The following SVEP1 variants were observed in gnomAD, a reference collection of about 807,000 sequenced individuals.
SVEP1 encodes sushi, von Willebrand factor type A, EGF and pentraxin domain-containing protein 1.
Under a neutral mutation model 367.3 loss-of-function variants are expected in SVEP1, and 164 were observed. That is an observed-to-expected ratio of 0.45 (90% CI 0.39 to 0.51). The LOEUF (loss-of-function observed/expected upper bound fraction) is 0.51, where lower values mean the gene tolerates loss of function less well. Ranked by LOEUF, SVEP1 falls within the 20% of genes least tolerant of loss-of-function variation. SVEP1 has a pLI of 0.00. For missense variants in SVEP1, 4,117 were observed against 4,425.3 expected, an observed-to-expected ratio of 0.93 and a Z score of 1.98; for synonymous variants, 1,666 against 1,611.6, an observed-to-expected ratio of 1.03 and a Z score of -0.81.
At position 110,455,600 on chromosome 9, in the gene SVEP1, T is replaced by C; in HGVS notation, c.3777A>G (p.Ser1259=). The C allele has an allele frequency of 6.2e-7, 1 of 1,613,264 alleles. No homozygotes were observed. Among genetic ancestry groups the C allele is most frequent in the Non-Finnish European group, 8.5e-7 (1 of 1,179,472 alleles). The change falls in exon 22 of 48, where the codon TCA becomes TCG. Residue 1259 remains serine, a synonymous_variant. Transcript: ENST00000374469. ...AGACCTTCCCCTTACCTGTGTAACC[T>C]GATGGGCACTCACAAATGAATTCCC... ...LVGEFICECP[S]GYTGQRCEEN... is the part of the protein sequence containing the mutation.
chr9:110,424,391 G>T (rs1300293101), intron 36 of SVEP1, among the ~76,000 whole-genome samples: 1 of 152,218 alleles, frequency 6.6e-6, no homozygotes, highest in South Asian at 2.1e-4. Flanking sequence ...GCTTCAAAAG[G>T]ATGCTTAGAA....
At chr9:110,427,501 A>C in intron 36 of SVEP1, 90 bp downstream of exon 36, 1 of 1,461,312 alleles carries the variant, frequency 6.8e-7, no homozygotes, top group Non-Finnish European at 9.2e-7. Context: ...CAGGAAATTA[A>C]ATTTCGTGTC....
At chr9:110,451,930 C>T (rs1828700239) in intron 22 of SVEP1, among the ~76,000 whole-genome samples, 1 of 152,162 alleles carries the variant, frequency 6.6e-6, no homozygotes, top group Non-Finnish European at 1.5e-5. Flanking sequence ...CTTTATTTTA[C>T]ACATCTAGAA....
At position 110,446,901 on chromosome 9, in the gene SVEP1, T is replaced by C. The variant is rs768284387; in HGVS notation, c.4260A>G (p.Thr1420=). The stretch of plus-strand genomic sequence containing the variant: ...TAATAACACTGAGTTGATACATACC[T>C]GTTTCACACCTTTTGCCTGAAAATC... ...QPGFSGKRCE[T]EQSTGFNLDF... Residue 1420 remains threonine (T), a splice_region_variant and synonymous_variant, in exon 25 of 48, where the codon ACA becomes ACG. Coordinates refer to ENST00000374469, the MANE Select transcript of SVEP1 (RefSeq NM_153366.4). 2 of 1,529,478 alleles carry C rather than the reference T, an allele frequency of 1.3e-6. No individual in the cohort carries two copies. Among genetic ancestry groups the C allele is most frequent in the Non-Finnish European group, 1.8e-6 (2 of 1,138,244 alleles). The allele number at this position is 1,529,478 out of a possible 1,614,324, so 94.7% of individuals were successfully genotyped here. A position where few individuals can be genotyped will look rare whatever the true frequency, so the allele number is the denominator to read the frequency against.
chr9:110,471,656 G>T (rs207470489), intron 15 of SVEP1, 59 bp from the exon 16 acceptor site: 239 of 1,306,376 alleles, frequency 1.8e-4, no homozygotes, highest in Non-Finnish European at 2.4e-4. Context: ...AAAGTCATTT[G>T]TAGTTAATTT....
At chr9:110,510,379 A>G (rs1426782462) in intron 5 of SVEP1, among the ~76,000 whole-genome samples, 2 of 152,200 alleles carry the variant, frequency 1.3e-5, no homozygotes, top group Non-Finnish European at 2.9e-5. Context: ...CCTTCATCCC[A>G]TAACATGCAT....
chr9:110,466,760 C>CAAAAAAAAAAAAAAAA lies in SVEP1; in HGVS notation c.3161-750_3161-735dup, dbSNP rs71371670. On this transcript the variant is annotated intron_variant, in intron 17 of 47. Transcript: ENST00000374469. ...TGGGCGACAGAGCGAGACTCCATCT[C>CAAAAAAAAAAAAAAAA]AAAAAAAAAAAAAAAAAAGAACTGG... 7.5e-4 allele frequency among the ~76,000 whole-genome samples: 35 copies of CAAAAAAAAAAAAAAAA among 46,396 alleles called. 6 individuals carry two copies. Among genetic ancestry groups the CAAAAAAAAAAAAAAAA allele is most frequent in the African/African-American group, 1.4e-3 (15 of 10,800 alleles). The allele number at this position is 46,396 out of a possible 152,430, so 30.4% of individuals were successfully genotyped here.
intron 8 of SVEP1, among the ~76,000 whole-genome samples, chr9:110,493,345 A>C (rs1008966559): frequency 6.6e-6 from 1 of 152,132 alleles, no homozygotes; most frequent in Non-Finnish European, 1.5e-5. Context: ...AACAAATGAA[A>C]GACTTTTGAA....
rs146683835 is a variant in SVEP1, at chr9:110,471,230, G to A, written c.2998+134C>T. ...TTCCTTAGACTCTTGAGACAAAATA[G>A]TAATAATAACAACCACACAACAAGA... On this transcript the variant is annotated intron_variant, in intron 16 of 47. Transcript: ENST00000374469. 579 of 714,114 alleles carry A rather than the reference G, an allele frequency of 8.1e-4. 6 individuals are homozygous for A. In the African/African-American group the frequency reaches 8.7e-3, roughly 11 times the overall value. 44.2% of individuals were successfully genotyped at this position (714,114 alleles called of 1,614,324 possible).
chr9:110,536,922 T>C (rs920231148), intron 3 of SVEP1, among the ~76,000 whole-genome samples: 2 of 151,966 alleles, frequency 1.3e-5, no homozygotes, highest in African/African-American at 2.4e-5. Context: ...AACTAACAGA[T>C]AGTCATTTAA....
At chr9:110,454,180 C>T (rs370894611) in intron 22 of SVEP1, among the ~76,000 whole-genome samples, 8 of 152,216 alleles carry the variant, frequency 5.3e-5, no homozygotes, top group South Asian at 4.1e-4. Flanking sequence ...TCCATTGATG[C>T]TTTCTTTTGC....
chr9:110,443,631 G>A lies in SVEP1; in HGVS notation c.4553C>T (p.Thr1518Ile), dbSNP rs577563713. ...GACTTTCCAGATGCCATTGGCACTT[G>A]TCCAAGTGATTGCAATATGATGCCA... ...GRWHHIAITW[T>I]SANGIWKVYI... Residue 1518 changes from threonine to isoleucine, a missense_variant, in exon 27 of 48, where the codon ACA becomes ATA. This residue lies in a region of SVEP1 where 2,174 missense variants were observed against 2,494.3 expected (regional missense o/e 0.87). Transcript: ENST00000374469. The A allele has an allele frequency of 1.9e-6, 3 of 1,613,314 alleles. No homozygotes were observed. The highest frequency in any genetic ancestry group is 2.5e-6 in the Non-Finnish European group (3 of 1,179,656).
At chr9:110,468,355 G>A (rs1828968828) in intron 17 of SVEP1, among the ~76,000 whole-genome samples, 1 of 152,204 alleles carries the variant, frequency 6.6e-6, no homozygotes, top group Non-Finnish European at 1.5e-5. Context: ...TCAGGACTGT[G>A]ATGGGGCTTA....
chr9:110,579,518 C>A lies in SVEP1; in HGVS notation c.26G>T (p.Cys9Phe). ...GCCCGAAACGAGCGCCAGACCCCAG[C>A]AACAAAAGGCCAGGCGAGGCCACAT... MWPRLAFC[C>F]WGLALVSGWA... Residue 9 changes from cysteine to phenylalanine, a missense_variant, in exon 1 of 48, where the codon TGC becomes TTC. Physicochemically the swap from Cys to Phe is radical, Grantham distance 205. This residue lies in a region of SVEP1 where 17 missense variants were observed against 27.5 expected (regional missense o/e 0.62). Transcript: ENST00000374469. The surrounding 1 kb of genome is among the most constrained non-coding windows in gnomAD (Gnocchi z 5.3). The A allele has an allele frequency of 6.2e-7, 1 of 1,604,392 alleles. No individual in the cohort carries two copies. The highest frequency in any genetic ancestry group is 8.5e-7 in the Non-Finnish European group (1 of 1,176,636).
Position 110,366,105 on chromosome 9 carries a change from A to G in SVEP1, c.*434T>C, listed in dbSNP as rs144191733. Reference sequence around the variant, plus strand: ...GTCTCCTATGTGGTGCCAGTGGCACAGATGAAAGATCATGAGTCCTCTCTA... The same window carrying G: ...GTCTCCTATGTGGTGCCAGTGGCACGGATGAAAGATCATGAGTCCTCTCTA... On this transcript the variant is annotated 3_prime_UTR_variant, in exon 48 of 48. Transcript: ENST00000374469. 1,018 of 155,960 alleles carry G rather than the reference A, an allele frequency of 6.5e-3. 9 individuals are homozygous for G. Among genetic ancestry groups the G allele is most frequent in the African/African-American group, 0.023 (968 of 41,714 alleles). 9.7% of individuals were successfully genotyped at this position (155,960 alleles called of 1,614,324 possible). A position where few individuals can be genotyped will look rare whatever the true frequency, so the allele number is the denominator to read the frequency against.
chr9:110,445,589 A>G (rs1014946210), intron 26 of SVEP1, among the ~76,000 whole-genome samples: 1 of 152,218 alleles, frequency 6.6e-6, no homozygotes, highest in Non-Finnish European at 1.5e-5. Context: ...GGTCATTGTG[A>G]CTATCAGATG....
intron 27 of SVEP1, among the ~76,000 whole-genome samples, chr9:110,438,938 C>T (rs1384053699): frequency 6.6e-6 from 1 of 152,142 alleles, no homozygotes; most frequent in Non-Finnish European, 1.5e-5. Flanking sequence ...TCAACATAGA[C>T]CTTAAACTCA....
intron 26 of SVEP1, among the ~76,000 whole-genome samples, chr9:110,444,989 A>T (rs996258572): frequency 3.9e-5 from 6 of 152,200 alleles, no homozygotes; most frequent in African/African-American, 1.4e-4. Context: ...ATAGAAAAAA[A>T]AGCTCAGTGG....
chr9:110,385,770 AGATGATAACTGT>A lies in SVEP1; in HGVS notation c.10237+116_10237+127del. The A allele has an allele frequency of 1.5e-5, 15 of 979,578 alleles. No individual in the cohort carries two copies. In the South Asian group the frequency reaches 3.7e-4, roughly 24 times the overall value. The allele number at this position is 979,578 out of a possible 1,614,324, so 60.7% of individuals were successfully genotyped here. On this transcript the variant is annotated intron_variant, in intron 43 of 47. Coordinates refer to ENST00000374469, the MANE Select transcript of SVEP1 (RefSeq NM_153366.4). ...AGAAATTTACAAACATTAATGAGGA[AGATGATAACTGT>A]GATAGCACAGAGATCTAAGTATCTA... is the stretch of plus-strand genomic sequence containing the variant.
Sources: gnomAD v4.1 joint callset for allele counts (sites outside exome capture counted in the v4.1 genomes callset) on GRCh38, gnomAD v4.1.1 for gene constraint, gnomAD v4.1.1 regional missense constraint, Gnocchi (gnomAD v3.1) non-coding constraint, MANE v1.5 for transcripts, NCBI Gene and HGNC (gene_info 2026-07-23, HGNC 2026-07-21) for gene names.